Variants in ST6GALNAC5 observed in about 807,000 individuals in gnomAD.
The protein encoded by ST6GALNAC5 is ST6 N-acetylgalactosaminide alpha-2,6-sialyltransferase 5, also known as alpha-N-acetylgalactosaminide alpha-2,6-sialyltransferase 5.
ST6GALNAC5 carries 27 observed loss-of-function variants against 33.6 expected under a neutral mutation model. The observed-to-expected ratio is 0.80, with a 90% CI of 0.59 to 1.11. ST6GALNAC5 has a LOEUF of 1.11. Among genes scored for constraint, ST6GALNAC5 ranks in the 50% least tolerant of loss-of-function variants. ST6GALNAC5 has a pLI of 0.00. For missense variants in ST6GALNAC5, 428 were observed against 454.0 expected, an observed-to-expected ratio of 0.94 and a Z score of 0.52; for synonymous variants, 194 against 171.2, an observed-to-expected ratio of 1.13 and a Z score of -1.04.
chr1:77,010,136 C>T (rs1028610326), intron 2 of ST6GALNAC5, among the ~76,000 whole-genome samples: 4 of 152,166 alleles, frequency 2.6e-5, no homozygotes, highest in African/African-American at 9.7e-5. Flanking sequence ...TAACACAGGG[C>T]TTGGAGCACA....
At chr1:77,058,526 C>A (rs1652474188) in intron 4 of ST6GALNAC5, among the ~76,000 whole-genome samples, 1 of 152,224 alleles carries the variant, frequency 6.6e-6, no homozygotes, top group African/African-American at 2.4e-5. Context: ...GATTTATGCA[C>A]ATGCCAGCTC....
At chr1:76,911,753 G>C (rs1224303128) in intron 2 of ST6GALNAC5, among the ~76,000 whole-genome samples, 1 of 152,174 alleles carries the variant, frequency 6.6e-6, no homozygotes, top group African/African-American at 2.4e-5. Context: ...AGTATTCTCT[G>C]ATGGTAGTTT....
chr1:76,969,926 C>T (rs893800906), intron 2 of ST6GALNAC5, among the ~76,000 whole-genome samples: 1 of 152,000 alleles, frequency 6.6e-6, no homozygotes, highest in Non-Finnish European at 1.5e-5. Context: ...GAGTGGACCA[C>T]CAGCAAACTC....
At chr1:76,918,707 C>T (rs1647000989) in intron 2 of ST6GALNAC5, among the ~76,000 whole-genome samples, 1 of 151,868 alleles carries the variant, frequency 6.6e-6, no homozygotes, top group South Asian at 2.1e-4. Flanking sequence ...TGGAGTTTGC[C>T]AGATTTGGGT....
At chr1:76,967,059 T>C (rs1005188831) in intron 2 of ST6GALNAC5, among the ~76,000 whole-genome samples, 1 of 152,162 alleles carries the variant, frequency 6.6e-6, no homozygotes, top group Non-Finnish European at 1.5e-5. Context: ...TAAAATTCTC[T>C]TTTTTTGTTG....
chr1:76,980,757 C>T (rs1649216676), intron 2 of ST6GALNAC5, among the ~76,000 whole-genome samples: 2 of 152,156 alleles, frequency 1.3e-5, no homozygotes, highest in South Asian at 4.2e-4. Context: ...AGAAATAGCA[C>T]TATGAAATTC....
intron 2 of ST6GALNAC5, among the ~76,000 whole-genome samples, chr1:76,872,390 C>A (rs1166853244): frequency 6.6e-6 from 1 of 152,168 alleles, no homozygotes; most frequent in Non-Finnish European, 1.5e-5. Flanking sequence ...TACAGCTAAG[C>A]AGCTATCTCT....
At chr1:76,908,153 G>C (rs184225963) in intron 2 of ST6GALNAC5, among the ~76,000 whole-genome samples, 115 of 152,102 alleles carry the variant, frequency 7.6e-4, no homozygotes, top group Non-Finnish European at 1.5e-3. Flanking sequence ...TGTGCTCTCT[G>C]TCTTAGTATT....
chr1:76,995,993 G>A (rs868600007), intron 2 of ST6GALNAC5, among the ~76,000 whole-genome samples: 91 of 152,256 alleles, frequency 6.0e-4, no homozygotes, highest in African/African-American at 2.2e-3. Flanking sequence ...TAGTAACTGT[G>A]GCTCAATCAT....
intron 2 of ST6GALNAC5, among the ~76,000 whole-genome samples, chr1:77,040,704 T>C (rs1485692129): frequency 6.6e-6 from 1 of 152,220 alleles, no homozygotes; most frequent in African/African-American, 2.4e-5. Flanking sequence ...TTCTTCAGAA[T>C]GTTTTCCCTA....
chr1:76,964,082 G>A (rs569476332), intron 2 of ST6GALNAC5, among the ~76,000 whole-genome samples: 1 of 152,216 alleles, frequency 6.6e-6, no homozygotes, highest in East Asian at 1.9e-4. Flanking sequence ...AAGGAACACA[G>A]CCCTGCCAAC....
At chr1:77,003,579 C>A (rs368439671) in intron 2 of ST6GALNAC5, among the ~76,000 whole-genome samples, 26,623 of 151,174 alleles carry the variant, frequency 0.18, 2,545 homozygotes, top group South Asian at 0.28. Flanking sequence ...GCAGTTTCTT[C>A]CTAGTCTCGA....
intron 2 of ST6GALNAC5, among the ~76,000 whole-genome samples, chr1:76,972,789 A>T (rs1648816859): frequency 6.6e-6 from 1 of 152,156 alleles, no homozygotes; most frequent in Non-Finnish European, 1.5e-5. Context: ...TCCCATCATC[A>T]ATAATTGAGT....
chr1:77,064,650 A>T lies in ST6GALNAC5; in HGVS notation c.*1444A>T, dbSNP rs1174130428. On this transcript the variant is annotated 3_prime_UTR_variant, in exon 5 of 5. Transcript: ENST00000477717. The stretch of plus-strand genomic sequence containing the variant: ...TTTTATTCAGAGCCAAGATAAATTC[A>T]TATTATAGATTTTTATTTAAACAAG... The T allele has an allele frequency of 6.6e-6, 1 of 152,210 alleles. No homozygotes were observed. The highest frequency in any genetic ancestry group is 1.5e-5 in the Non-Finnish European group (1 of 68,036). 9.4% of individuals were successfully genotyped at this position (152,210 alleles called of 1,614,324 possible). A position where few individuals can be genotyped will look rare whatever the true frequency, so the allele number is the denominator to read the frequency against.
intron 2 of ST6GALNAC5, among the ~76,000 whole-genome samples, chr1:76,988,101 G>T (rs1193001851): frequency 1.3e-5 from 2 of 151,974 alleles, no homozygotes; most frequent in African/African-American, 4.8e-5. Flanking sequence ...GACAGATTGG[G>T]TTAATTTGAA....
rs115212202 is a variant in ST6GALNAC5 at position 76,964,411 on chromosome 1, C to A, written c.262-79793C>A. Among the ~76,000 whole-genome samples, 449 of 152,128 alleles carry A rather than the reference C, an allele frequency of 3.0e-3. 2 individuals are homozygous for A. Among genetic ancestry groups the A allele is most frequent in the African/African-American group, 9.9e-3 (413 of 41,528 alleles). On this transcript the variant is annotated intron_variant, in intron 2 of 4. Coordinates refer to ENST00000477717, the MANE Select transcript of ST6GALNAC5 (RefSeq NM_030965.3). The stretch of plus-strand genomic sequence containing the variant: ...TGAATCCATGGCCCATAGCATGAAA[C>A]CCAGAATTCTAAATGGCCCCTTTTC...
chr1:76,871,091 G>C (rs890704903), intron 2 of ST6GALNAC5, among the ~76,000 whole-genome samples: 75 of 152,220 alleles, frequency 4.9e-4, no homozygotes, highest in African/African-American at 1.7e-3. Context: ...TGTTTAATTA[G>C]GTTTATTTGA....
At chr1:76,944,440 A>G (rs1289191479) in intron 2 of ST6GALNAC5, among the ~76,000 whole-genome samples, 1 of 152,064 alleles carries the variant, frequency 6.6e-6, no homozygotes, top group East Asian at 1.9e-4. Flanking sequence ...GGTACCAAGA[A>G]TAAATTGGAT....
chr1:77,018,454 A>G (rs1211475471), intron 2 of ST6GALNAC5, among the ~76,000 whole-genome samples: 2 of 152,208 alleles, frequency 1.3e-5, no homozygotes, highest in African/African-American at 4.8e-5. Context: ...TACTGTACAC[A>G]TCTTGCAGAT....
Sources: allele counts gnomAD v4.1 joint callset (sites outside exome capture counted in the v4.1 genomes callset), GRCh38; gene constraint gnomAD v4.1.1; transcripts MANE v1.5; gene names NCBI Gene and HGNC (gene_info 2026-07-23, HGNC 2026-07-21).